Variants in FER observed in about 807,000 individuals in gnomAD.
FER encodes the protein tyrosine-protein kinase Fer.
FER carries 63 observed loss-of-function variants against 111.0 expected under a neutral mutation model. That is an observed-to-expected ratio of 0.57 (90% confidence interval 0.46 to 0.70). The LOEUF is 0.70. FER is among the 30% of genes least tolerant of loss of function. FER has a pLI of 0.00. For synonymous variants in FER, 327 were observed against 313.9 expected (o/e 1.04, Z -0.44); for missense variants, 914 against 954.0 (o/e 0.96, Z 0.55).
At chr5:108,829,474 C>A (rs1055901364) in intron 3 of FER, among the ~76,000 whole-genome samples, 1 of 152,038 alleles carries the variant, frequency 6.6e-6, no homozygotes, top group African/African-American at 2.4e-5. Flanking sequence ...CTTGTCTCTA[C>A]TAAAAATCAA....
intron 3 of FER, among the ~76,000 whole-genome samples, chr5:108,799,203 A>T (rs1346445538): frequency 6.6e-6 from 1 of 152,254 alleles, no homozygotes; most frequent in Admixed American, 6.5e-5. Context: ...TTATTCTGTC[A>T]TATAAAAATA....
At chr5:108,884,226 A>T (rs1278325960) in intron 9 of FER, among the ~76,000 whole-genome samples, 1 of 151,990 alleles carries the variant, frequency 6.6e-6, no homozygotes, top group Non-Finnish European at 1.5e-5. Context: ...TGATTTATCA[A>T]GACTCTCAAG....
intron 17 of FER, among the ~76,000 whole-genome samples, chr5:109,146,233 AATATATATATAATCTATCTAATATATAT>A: frequency 1.1e-5 from 1 of 89,278 alleles, no homozygotes; most frequent in Non-Finnish European, 2.3e-5. Flanking sequence ...TTATCTATCT[AATATATATATAATCTATCTAATATATAT>A]ATATATATAT....
intron 2 of FER, among the ~76,000 whole-genome samples, chr5:108,787,017 A>C (rs1422403459): frequency 6.6e-6 from 1 of 151,908 alleles, no homozygotes; most frequent in Non-Finnish European, 1.5e-5. Flanking sequence ...GGGGCTGTGC[A>C]CTCTGCAGAG....
At chr5:108,828,605 A>G (rs1461671009) in intron 3 of FER, among the ~76,000 whole-genome samples, 2 of 152,162 alleles carry the variant, frequency 1.3e-5, no homozygotes, top group Non-Finnish European at 2.9e-5. Context: ...TTATTTGCCT[A>G]TGATTAAACT....
intron 17 of FER, among the ~76,000 whole-genome samples, chr5:109,101,165 T>C (rs1320482750): frequency 1.3e-5 from 2 of 151,980 alleles, no homozygotes; most frequent in Admixed American, 6.6e-5. Context: ...TTTTTAGTGC[T>C]AAATGTCAGT....
intron 3 of FER, among the ~76,000 whole-genome samples, chr5:108,821,320 A>C (rs1316306782): frequency 6.6e-6 from 1 of 152,196 alleles, no homozygotes; most frequent in African/African-American, 2.4e-5. Context: ...ACCAAGACAT[A>C]AATGATCCGG....
chr5:109,079,213 T>G (rs773977093), intron 16 of FER, among the ~76,000 whole-genome samples: 1 of 152,178 alleles, frequency 6.6e-6, no homozygotes, highest in African/African-American at 2.4e-5. Flanking sequence ...AAAATCAACT[T>G]TATAAGATGC....
At chr5:109,061,423 T>G (rs962006960) in intron 16 of FER, among the ~76,000 whole-genome samples, 1 of 152,196 alleles carries the variant, frequency 6.6e-6, no homozygotes, top group Admixed American at 6.5e-5. Flanking sequence ...CTAGAAGTTA[T>G]TATTTCCATT....
intron 16 of FER, among the ~76,000 whole-genome samples, chr5:109,092,243 TAGAC>T (rs1476346685): frequency 4.9e-5 from 4 of 82,030 alleles, no homozygotes; most frequent in African/African-American, 9.3e-5. Context: ...AATGCAAAAA[TAGAC>T]AGGGAGAGTA....
chr5:108,967,850 C>G (rs1294473330), intron 13 of FER, among the ~76,000 whole-genome samples: 4 of 148,308 alleles, frequency 2.7e-5, no homozygotes, highest in Non-Finnish European at 5.9e-5. Flanking sequence ...AATGGGAAGA[C>G]AGGCTCTCAA....
At chr5:108,795,469 C>G (rs1270689596) in intron 2 of FER, among the ~76,000 whole-genome samples, 2 of 148,880 alleles carry the variant, frequency 1.3e-5, no homozygotes, top group African/African-American at 5.0e-5. Flanking sequence ...GAGGGAGACC[C>G]TGTCTGAAAA....
At chr5:108,866,504 G>T (rs1412656982) in intron 5 of FER, among the ~76,000 whole-genome samples, 1 of 151,876 alleles carries the variant, frequency 6.6e-6, no homozygotes, top group East Asian at 1.9e-4. Context: ...GTTAATGGGT[G>T]CCACACACCA....
intron 17 of FER, among the ~76,000 whole-genome samples, chr5:109,121,605 A>T (rs1474570738): frequency 6.6e-6 from 1 of 152,090 alleles, no homozygotes; most frequent in African/African-American, 2.4e-5. Flanking sequence ...TAGTGGCCTC[A>T]TGGAATGAGT....
chr5:108,844,369 A>G (rs1306447300), intron 5 of FER, among the ~76,000 whole-genome samples: 1 of 152,188 alleles, frequency 6.6e-6, no homozygotes, highest in Non-Finnish European at 1.5e-5. Context: ...CATTACAAAA[A>G]TGTCCTTTAT....
intron 10 of FER, among the ~76,000 whole-genome samples, chr5:108,914,613 C>G (rs1398383488): frequency 6.6e-6 from 1 of 152,074 alleles, no homozygotes; most frequent in Non-Finnish European, 1.5e-5. Context: ...TAATATGTAC[C>G]TCAATTCAGG....
At chr5:109,037,927 T>C (rs1394963712) in intron 14 of FER, among the ~76,000 whole-genome samples, 1 of 151,972 alleles carries the variant, frequency 6.6e-6, no homozygotes, top group Non-Finnish European at 1.5e-5. Flanking sequence ...AATTACAGTA[T>C]GTAACAACAC....
At chr5:108,886,913 A>G (rs915451378) in intron 9 of FER, among the ~76,000 whole-genome samples, 2 of 151,766 alleles carry the variant, frequency 1.3e-5, no homozygotes, top group African/African-American at 4.8e-5. Context: ...ATATTTTGCT[A>G]AACACATAGT....
At chr5:108,838,129 T>C (rs1431245394) in intron 5 of FER, among the ~76,000 whole-genome samples, 1 of 152,100 alleles carries the variant, frequency 6.6e-6, no homozygotes. Flanking sequence ...AAAATTTATG[T>C]TTCAAACTGC....
Sources: gnomAD v4.1 joint callset for allele counts (sites outside exome capture counted in the v4.1 genomes callset) on GRCh38, gnomAD v4.1.1 for gene constraint, MANE v1.5 for transcripts, NCBI Gene and HGNC (gene_info 2026-07-23, HGNC 2026-07-21) for gene names.